Variants in ZNF469 observed in about 807,000 individuals in gnomAD.
ZNF469 encodes the protein zinc finger protein 469.
A neutral mutation model predicts 1.0 loss-of-function variants in ZNF469; 1 was observed. The ratio of observed to expected loss-of-function variants is 1.00; its 90% CI spans 0.35 to 4.73. The LOEUF (loss-of-function observed/expected upper bound fraction) is 4.73, where lower values mean the gene tolerates loss of function less well. ZNF469 is among the 30% of genes most tolerant of loss of function. The pLI is 0.16. For missense variants in ZNF469, 6,100 were observed against 5,356.3 expected (o/e 1.14, Z -4.33); for synonymous variants, 2,703 against 2,363.4 (o/e 1.14, Z -4.17).
chr16:88,435,897 G>T lies in ZNF469; in HGVS notation c.8427G>T (p.Pro2809=), dbSNP rs922687162. The T allele has an allele frequency of 6.5e-7, 1 of 1,550,090 alleles. No homozygotes were observed. The highest frequency in any genetic ancestry group is 2.0e-5 in the Admixed American group (1 of 51,012). The change falls in exon 3 of 3, where the codon CCG becomes CCT. Residue 2809 remains proline (P), a synonymous_variant. Transcript: ENST00000565624. ...GTTTTCCCGAGACTTCCAGCTCTCC[G>T]GCGGACAGCACCACCAGCAGCTGCC... The part of the protein sequence containing the change: ...PLGFPETSSS[P]ADSTTSSCLQ...
At chr16:88,160,194 G>A in the ZNF469 span, among the ~76,000 whole-genome samples, 17 of 152,330 alleles carry the variant, frequency 1.1e-4, no homozygotes, top group Middle Eastern at 3.4e-3. Flanking sequence ...CTGGGTCTGG[G>A]ACTAAGGAGC....
Position 88,433,033 on chromosome 16 carries a change from A to C in ZNF469, c.5563A>C (p.Asn1855His). The C allele has an allele frequency of 6.5e-7, 1 of 1,550,234 alleles. No individual in the cohort carries two copies. Among genetic ancestry groups the C allele is most frequent in the Non-Finnish European group, 8.7e-7 (1 of 1,146,936 alleles). ...GGCAGGGAGGCCTGGCTTTGAGGGT[A>C]ATGAGTTTGCACCGGCGGGGGCCTC... ...PTAGRPGFEGNEFAPAGASSL... is the reference protein window; with the variant it reads ...PTAGRPGFEGHEFAPAGASSL... Residue 1855 changes from asparagine (N) to histidine (H), a missense_variant, in exon 3 of 3, where the codon AAT becomes CAT. Physicochemically the swap from Asn to His is moderately conservative, Grantham distance 68. Coordinates refer to ENST00000565624, the MANE Select transcript of ZNF469 (RefSeq NM_001367624.2).
chr16:88,361,792 G>A, the ZNF469 span, among the ~76,000 whole-genome samples: 1,436 of 152,038 alleles, frequency 9.4e-3, 26 homozygotes, highest in African/African-American at 0.032. Context: ...CCTAAGCTGT[G>A]AAGATATTCA....
rs1906426010 is a variant in ZNF469 at position 88,434,474 on chromosome 16, C to T, written c.7004C>T (p.Ala2335Val). 6.5e-7 allele frequency: 1 copy of T among 1,549,942 alleles called. No homozygotes were observed. The highest frequency in any genetic ancestry group is 2.4e-5 in the East Asian group (1 of 40,924). The stretch of plus-strand genomic sequence containing the variant: ...TCCTCGTATTCTCCAAGCAATACTG[C>T]CCGCCTCGGCCACAGGGAGGGCCAG... The part of the protein sequence containing the change: ...GHSSYSPSNT[A>V]RLGHREGQAV... The change falls in exon 3 of 3, where the codon GCC (alanine) becomes GTC (valine). Residue 2335 changes from alanine to valine, a missense_variant. Ala to Val is a moderately conservative substitution (Grantham distance 64, BLOSUM62 0). Coordinates refer to ENST00000565624, the MANE Select transcript of ZNF469 (RefSeq NM_001367624.2).
the ZNF469 span, among the ~76,000 whole-genome samples, chr16:88,175,278 C>G: frequency 1.3e-5 from 2 of 152,156 alleles, no homozygotes; most frequent in African/African-American, 4.8e-5. Context: ...CATCAGAGCC[C>G]TCTCTCAACA....
At chr16:88,400,654 C>A (rs934855103) in intron 1 of ZNF469, among the ~76,000 whole-genome samples, 3 of 152,162 alleles carry the variant, frequency 2.0e-5, no homozygotes, top group African/African-American at 7.2e-5. Flanking sequence ...TCTGTCCCCA[C>A]AGTCATGGGT....
In ZNF469 at chr16:88,427,419, C is replaced by G; in HGVS notation, c.-52C>G. ...TGAGGATGGCCGTCCAGCCCACTCC[C>G]CAGGGCCCCCCTCGGACAGCTGCGT... On this transcript the variant is annotated 5_prime_UTR_variant, in exon 3 of 3. Coordinates refer to ENST00000565624, the MANE Select transcript of ZNF469 (RefSeq NM_001367624.2). 6.9e-7 allele frequency: 1 copy of G among 1,442,352 alleles called. No individual in the cohort carries two copies. 89.3% of individuals were successfully genotyped at this position (1,442,352 alleles called of 1,614,324 possible).
At chr16:88,110,878 G>A in the ZNF469 span, among the ~76,000 whole-genome samples, 3 of 152,258 alleles carry the variant, frequency 2.0e-5, no homozygotes, top group African/African-American at 4.8e-5. Flanking sequence ...TGCGTCTGCA[G>A]CCGGGCTCTG....
At chr16:88,362,481 C>G in the ZNF469 span, among the ~76,000 whole-genome samples, 92 of 152,324 alleles carry the variant, frequency 6.0e-4, no homozygotes, top group African/African-American at 2.0e-3. Flanking sequence ...CCAAAAATAT[C>G]ATTTCACCTT....
intron 1 of ZNF469, among the ~76,000 whole-genome samples, chr16:88,400,802 C>G (rs924897323): frequency 2.0e-5 from 3 of 152,042 alleles, no homozygotes; most frequent in African/African-American, 7.2e-5. Context: ...TGGGCAGAAT[C>G]TCTTCAGATC....
At chr16:88,160,358 G>A in the ZNF469 span, among the ~76,000 whole-genome samples, 3 of 152,154 alleles carry the variant, frequency 2.0e-5, no homozygotes, top group South Asian at 2.1e-4. Context: ...AAGAGATGCC[G>A]GTTTCCTTGT....
chr16:88,349,471 C>T, the ZNF469 span, among the ~76,000 whole-genome samples: 128 of 147,908 alleles, frequency 8.7e-4, 1 homozygote, highest in African/African-American at 3.0e-3. Flanking sequence ...TACGCACACC[C>T]GGCACAATAC....
the ZNF469 span, among the ~76,000 whole-genome samples, chr16:88,273,777 C>A: frequency 1.3e-5 from 2 of 151,614 alleles, no homozygotes; most frequent in African/African-American, 4.8e-5. Flanking sequence ...TGGATACATA[C>A]AATGTGGTGT....
At chr16:88,273,899 G>A in the ZNF469 span, among the ~76,000 whole-genome samples, 1,025 of 150,610 alleles carry the variant, frequency 6.8e-3, 5 homozygotes, top group Admixed American at 9.2e-3. Context: ...CCGCCTCCCG[G>A]GTTCACGCCA....
At chr16:88,115,648 C>A in the ZNF469 span, among the ~76,000 whole-genome samples, 1 of 149,696 alleles carries the variant, frequency 6.7e-6, no homozygotes, top group Non-Finnish European at 1.5e-5. Context: ...TCAAGAGGCC[C>A]GCCGAGCCGT....
At chr16:88,271,249 G>A in the ZNF469 span, among the ~76,000 whole-genome samples, 1 of 147,700 alleles carries the variant, frequency 6.8e-6, no homozygotes, top group Admixed American at 7.0e-5. Flanking sequence ...CAGACCCTGC[G>A]GAAAAGCTAT....
chr16:88,141,687 G>A, the ZNF469 span, among the ~76,000 whole-genome samples: 10 of 152,350 alleles, frequency 6.6e-5, no homozygotes, highest in Admixed American at 5.2e-4. Context: ...GGTGGCCCAA[G>A]GTCATCACGG....
chr16:88,187,240 A>G, the ZNF469 span, among the ~76,000 whole-genome samples: 2 of 152,154 alleles, frequency 1.3e-5, no homozygotes, highest in African/African-American at 4.8e-5. Flanking sequence ...GGCCTAGGAA[A>G]GCCGCCTCCA....
At position 88,434,553 on chromosome 16, in the gene ZNF469, C is replaced by T. The variant is rs1376430205; in HGVS notation, c.7083C>T (p.Asp2361=). ...CCACGCTACAGGGTGCAGGGCCGGA[C>T]TCCCCCGCCTGCCTGGAAGGTGAGA... ...EPPTLQGAGP[D]SPACLEGEMG... is the part of the protein sequence containing the mutation. The change falls in exon 3 of 3, where the codon GAC becomes GAT. Residue 2361 remains aspartate (D), a synonymous_variant. Transcript: ENST00000565624. 1.3e-6 allele frequency: 2 copies of T among 1,550,330 alleles called. No homozygotes were observed. The highest frequency in any genetic ancestry group is 2.0e-5 in the Admixed American group (1 of 51,014).
Sources: allele counts gnomAD v4.1 joint callset (sites outside exome capture counted in the v4.1 genomes callset), GRCh38; gene constraint gnomAD v4.1.1; transcripts MANE v1.5; gene names NCBI Gene and HGNC (gene_info 2026-07-23, HGNC 2026-07-21).